Variants in FTO observed in about 807,000 individuals in gnomAD.
FTO encodes the protein FTO alpha-ketoglutarate dependent dioxygenase.
A neutral mutation model predicts 63.9 loss-of-function variants in FTO; 47 were observed. The observed-to-expected ratio is 0.74, with a 90% CI of 0.58 to 0.94. The LOEUF (loss-of-function observed/expected upper bound fraction) is 0.94, where lower values mean the gene tolerates loss of function less well. FTO is among the 40% of genes least tolerant of loss of function. The probability of loss-of-function intolerance (pLI) is 0.00; values close to 1 mark genes in which losing one functional copy is unlikely to be tolerated. For missense variants in FTO, 562 were observed against 618.1 expected, an observed-to-expected ratio of 0.91 and a Z score of 0.96; for synonymous variants, 207 against 224.4, an observed-to-expected ratio of 0.92 and a Z score of 0.69.
At chr16:53,916,325 T>C (rs1049130276) in intron 7 of FTO, among the ~76,000 whole-genome samples, 2 of 152,138 alleles carry the variant, frequency 1.3e-5, no homozygotes, top group Admixed American at 6.5e-5. Context: ...ATCCGGTTCA[T>C]ATGCTTGGGT....
At chr16:53,897,449 T>C (rs572915430) in intron 7 of FTO, among the ~76,000 whole-genome samples, 20 of 152,332 alleles carry the variant, frequency 1.3e-4, no homozygotes, top group African/African-American at 4.1e-4. Flanking sequence ...CATATCTGCA[T>C]TGGTTATAAA....
At chr16:53,810,276 A>G in intron 2 of FTO, 59 bp downstream of exon 2, 1 of 1,223,096 alleles carries the variant, frequency 8.2e-7, no homozygotes, top group Non-Finnish European at 1.2e-6. Flanking sequence ...ACCTTATTTT[A>G]CCTATGAGGA....
chr16:53,855,407 C>T (rs2079957089), intron 4 of FTO, among the ~76,000 whole-genome samples: 1 of 152,072 alleles, frequency 6.6e-6, no homozygotes, highest in Non-Finnish European at 1.5e-5. Flanking sequence ...AAAAATTATA[C>T]CATATTTTAG....
At chr16:53,878,665 A>G (rs954534087) in intron 5 of FTO, among the ~76,000 whole-genome samples, 2 of 152,236 alleles carry the variant, frequency 1.3e-5, no homozygotes, top group African/African-American at 2.4e-5. Context: ...GGGTATTTAT[A>G]GCTGACTTTT....
intron 2 of FTO, among the ~76,000 whole-genome samples, chr16:53,820,165 C>T (rs986237601): frequency 1.3e-5 from 2 of 151,864 alleles, no homozygotes; most frequent in South Asian, 2.1e-4. Context: ...CCCGCCACCA[C>T]GCCCAGCTAG....
At chr16:53,893,686 G>A (rs1344498) in intron 7 of FTO, among the ~76,000 whole-genome samples, 1 of 151,674 alleles carries the variant, frequency 6.6e-6, no homozygotes, top group African/African-American at 2.4e-5. Context: ...GGTCAATTTG[G>A]TATAATCCAG....
At chr16:53,984,818 T>G in intron 8 of FTO, 1 of 414,862 alleles carries the variant, frequency 2.4e-6, no homozygotes, top group Admixed American at 2.9e-5. Flanking sequence ...TATGATTATT[T>G]TAATTATTTT....
At chr16:53,806,518 G>A (rs2078372211) in intron 1 of FTO, among the ~76,000 whole-genome samples, 1 of 152,156 alleles carries the variant, frequency 6.6e-6, no homozygotes, top group African/African-American at 2.4e-5. Context: ...ATCTTCTGGA[G>A]AGCTTTTTAG....
At chr16:53,923,003 C>G (rs1044962177) in intron 7 of FTO, 10 of 152,134 alleles carry the variant, frequency 6.6e-5, no homozygotes, top group Non-Finnish European at 8.8e-5. Flanking sequence ...TGTGAATCAG[C>G]TTTGTTACAT....
At chr16:53,727,673 CTAACATT>C (rs2076182331) in intron 1 of FTO, among the ~76,000 whole-genome samples, 1 of 152,166 alleles carries the variant, frequency 6.6e-6, no homozygotes, top group Non-Finnish European at 1.5e-5. Flanking sequence ...TGGTTTGCTT[CTAACATT>C]GTGCAGTGGA....
intron 8 of FTO, among the ~76,000 whole-genome samples, chr16:54,007,210 G>A (rs1181318551): frequency 6.6e-6 from 1 of 152,142 alleles, no homozygotes; most frequent in Non-Finnish European, 1.5e-5. Flanking sequence ...TAATGTAAAT[G>A]ACGAGTTAAT....
chr16:54,014,931 CT>C (rs2084404026), intron 8 of FTO, among the ~76,000 whole-genome samples: 1 of 149,106 alleles, frequency 6.7e-6, no homozygotes, highest in Non-Finnish European at 1.5e-5. Context: ...TCACAGCTCG[CT>C]TCAGCCTCCA....
intron 8 of FTO, among the ~76,000 whole-genome samples, chr16:53,996,131 A>C (rs1485003186): frequency 6.6e-6 from 1 of 152,198 alleles, no homozygotes; most frequent in African/African-American, 2.4e-5. Flanking sequence ...GGATAGAAAG[A>C]GCCTGGGTCC....
chr16:54,003,920 C>T (rs2144017837), intron 8 of FTO, among the ~76,000 whole-genome samples: 2 of 152,240 alleles, frequency 1.3e-5, no homozygotes, highest in South Asian at 4.1e-4. Flanking sequence ...TTATATTACT[C>T]TGAAACAGAG....
chr16:53,874,679 C>T (rs982729323), intron 5 of FTO, among the ~76,000 whole-genome samples: 2 of 152,106 alleles, frequency 1.3e-5, no homozygotes, highest in African/African-American at 4.8e-5. Context: ...GGCAGTACTG[C>T]GTGAGTCTAT....
intron 1 of FTO, among the ~76,000 whole-genome samples, chr16:53,756,873 A>G (rs2076935898): frequency 6.6e-6 from 1 of 152,210 alleles, no homozygotes; most frequent in African/African-American, 2.4e-5. Context: ...TTGGTCACAC[A>G]CTAGTTGCTG....
chr16:53,727,735 A>T (rs1314367898), intron 1 of FTO, among the ~76,000 whole-genome samples: 1 of 152,112 alleles, frequency 6.6e-6, no homozygotes, highest in Non-Finnish European at 1.5e-5. Flanking sequence ...TGCTTCTGCC[A>T]TTTTCCAGCA....
chr16:54,092,984 T>C lies in FTO; in HGVS notation c.1365-18778T>C, dbSNP rs191909009. Among the ~76,000 whole-genome samples the C allele has an allele frequency of 2.3e-4, 35 of 152,354 alleles. No homozygotes were observed. In the East Asian group the frequency reaches 6.2e-3, roughly 27 times the overall value. ...AAACTATTATCCTCCTTAGAGGTAGTTGCATTGTAAAAATACCTTTCCCTC... is the reference window on the plus strand; with the variant it reads ...AAACTATTATCCTCCTTAGAGGTAGCTGCATTGTAAAAATACCTTTCCCTC... On this transcript the variant is annotated intron_variant, in intron 8 of 8. Coordinates refer to ENST00000471389, the MANE Select transcript of FTO (RefSeq NM_001080432.3).
chr16:53,966,204 CT>C (rs1329606063), intron 8 of FTO, among the ~76,000 whole-genome samples: 4 of 152,146 alleles, frequency 2.6e-5, no homozygotes, highest in African/African-American at 9.7e-5. Flanking sequence ...TATTTAAGTG[CT>C]TTGCAAATTG....
Sources: gnomAD v4.1 joint callset for allele counts (sites outside exome capture counted in the v4.1 genomes callset) on GRCh38, gnomAD v4.1.1 for gene constraint, MANE v1.5 for transcripts, NCBI Gene and HGNC (gene_info 2026-07-23, HGNC 2026-07-21) for gene names.